Variants in ELFN1 observed in about 807,000 individuals in gnomAD.
The protein encoded by ELFN1 is extracellular leucine rich repeat and fibronectin type III domain containing 1.
Under a neutral mutation model 7.6 loss-of-function variants are expected in ELFN1, and 6 were observed. That is an observed-to-expected ratio of 0.79 (90% CI 0.43 to 1.56). ELFN1 has a LOEUF of 1.56. Ranked by LOEUF, ELFN1 falls within the 40% of genes most tolerant of loss-of-function variation. The probability of loss-of-function intolerance (pLI) is 0.01; values close to 1 mark genes in which losing one functional copy is unlikely to be tolerated. For synonymous variants in ELFN1, 657 were observed against 588.1 expected, an observed-to-expected ratio of 1.12 and a Z score of -1.70; for missense variants, 1,169 against 1,232.2, an observed-to-expected ratio of 0.95 and a Z score of 0.77.
chr7:1,669,117 C>G (rs1381227059), upstream of ELFN1, among the ~76,000 whole-genome samples: 1 of 152,276 alleles, frequency 6.6e-6, no homozygotes, highest in Non-Finnish European at 1.5e-5. Context: ...CGTGTCAGGC[C>G]CTGCAGCCGG....
intron 2 of ELFN1, among the ~76,000 whole-genome samples, chr7:1,696,915 G>C (rs1285532199): frequency 6.6e-6 from 1 of 152,212 alleles, no homozygotes; most frequent in Non-Finnish European, 1.5e-5. Flanking sequence ...GAAGGCATTA[G>C]GAAAACAACG....
Position 1,744,565 on chromosome 7 carries a change from G to A in ELFN1, c.-32G>A. The A allele has an allele frequency of 6.8e-7, 1 of 1,462,552 alleles. No individual in the cohort carries two copies. The highest frequency in any genetic ancestry group is 9.0e-7 in the Non-Finnish European group (1 of 1,112,164). The allele number at this position is 1,462,552 out of a possible 1,614,324, so 90.6% of individuals were successfully genotyped here. On this transcript the variant is annotated 5_prime_UTR_variant, in exon 4 of 4. Transcript: ENST00000424383. The stretch of plus-strand genomic sequence containing the variant: ...CCCCCCACCTGGTCCCCCTGGGCAG[G>A]CTGAATTGGGGCTCCCTGCAGGGCG...
chr7:1,699,711 C>CT (rs1171036665), intron 2 of ELFN1, among the ~76,000 whole-genome samples: 2 of 151,372 alleles, frequency 1.3e-5, no homozygotes, highest in Non-Finnish European at 3.0e-5. Context: ...CATTCTCCTA[C>CT]TTTTTTTTTG....
In ELFN1 at chr7:1,716,341, G is replaced by A. The variant is rs534284556; in HGVS notation, c.-294+7089G>A. Among the ~76,000 whole-genome samples, 3 of 152,350 alleles carry A rather than the reference G, an allele frequency of 2.0e-5. No individual in the cohort carries two copies. The East Asian group carries it at 5.8e-4, about 29-fold the overall frequency. On this transcript the variant is annotated intron_variant, in intron 3 of 3. Transcript: ENST00000424383. The stretch of plus-strand genomic sequence containing the variant: ...CCCAGGGGCTCACACAGCATCTGGT[G>A]AGGTGACGGCCTGGGTAAATTCTGA...
At chr7:1,672,993 G>T (rs1778796438) in intron 1 of ELFN1, among the ~76,000 whole-genome samples, 1 of 152,148 alleles carries the variant, frequency 6.6e-6, no homozygotes, top group African/African-American at 2.4e-5. Context: ...GATCTCCAGG[G>T]CTGGGTGATG....
chr7:1,741,738 G>A (rs1280994588), intron 3 of ELFN1, among the ~76,000 whole-genome samples: 5 of 152,084 alleles, frequency 3.3e-5, no homozygotes, highest in East Asian at 1.9e-4. Context: ...ACAGACCCCC[G>A]TGCATGTGTG....
In ELFN1 at chr7:1,705,228, C is replaced by T. The variant is rs769838014; in HGVS notation, c.-455-3863C>T. Reference sequence around the variant, plus strand: ...CCCTGGGCGGGGCGGCACAGCTGTGCGGGAGGCTGGGCTGCTGGCATCAGC... The same window carrying T: ...CCCTGGGCGGGGCGGCACAGCTGTGTGGGAGGCTGGGCTGCTGGCATCAGC... On this transcript the variant is annotated intron_variant, in intron 2 of 3. Coordinates refer to ENST00000424383, the MANE Select transcript of ELFN1 (RefSeq NM_001128636.4). The surrounding 1 kb of genome is among the most constrained non-coding windows in gnomAD (Gnocchi z 4.3). 6.6e-6 allele frequency among the ~76,000 whole-genome samples: 1 copy of T among 152,142 alleles called. No homozygotes were observed. The highest frequency in any genetic ancestry group is 1.5e-5 in the Non-Finnish European group (1 of 67,996).
intron 3 of ELFN1, among the ~76,000 whole-genome samples, chr7:1,718,022 A>G (rs377255894): frequency 8.5e-5 from 13 of 152,162 alleles, no homozygotes; most frequent in African/African-American, 3.1e-4. Context: ...AAACAGCCAG[A>G]AGTCAGTGGC....
At chr7:1,696,205 T>TGA (rs1171640250) in intron 2 of ELFN1, among the ~76,000 whole-genome samples, 1 of 149,144 alleles carries the variant, frequency 6.7e-6, no homozygotes. Flanking sequence ...CGTGTGTATG[T>TGA]GAGAGAGAGA....
At chr7:1,678,435 G>A (rs987373040) in intron 1 of ELFN1, among the ~76,000 whole-genome samples, 1 of 152,210 alleles carries the variant, frequency 6.6e-6, no homozygotes. Context: ...CACACAGCCC[G>A]GAGGGAGGTG....
intron 1 of ELFN1, among the ~76,000 whole-genome samples, chr7:1,680,732 T>G (rs1041290414): frequency 6.6e-6 from 1 of 151,582 alleles, no homozygotes; most frequent in African/African-American, 2.4e-5. Context: ...CTCTGTGGAT[T>G]TACAATTTTT....
chr7:1,682,477 G>C (rs1439638055), intron 1 of ELFN1, among the ~76,000 whole-genome samples: 2 of 151,902 alleles, frequency 1.3e-5, no homozygotes, highest in Non-Finnish European at 2.9e-5. Context: ...GTCTTACTCT[G>C]TTTCCCAGGC....
intron 3 of ELFN1, among the ~76,000 whole-genome samples, chr7:1,719,283 C>T (rs866059370): frequency 2.7e-3 from 360 of 133,742 alleles, no homozygotes; most frequent in Middle Eastern, 7.3e-3. Flanking sequence ...CAACAGGGCC[C>T]CGCCCACCAA....
At chr7:1,717,017 T>G (rs939140834) in intron 3 of ELFN1, among the ~76,000 whole-genome samples, 4 of 152,172 alleles carry the variant, frequency 2.6e-5, no homozygotes, top group Non-Finnish European at 4.4e-5. Flanking sequence ...CTCAAGGAGC[T>G]GCTTCTCTGC....
At chr7:1,697,780 T>C (rs1468310837) in intron 2 of ELFN1, among the ~76,000 whole-genome samples, 1 of 152,108 alleles carries the variant, frequency 6.6e-6, no homozygotes. Flanking sequence ...TTTTTAAAAA[T>C]TGTTTAATCG....
chr7:1,717,995 G>C (rs1221245399), intron 3 of ELFN1, among the ~76,000 whole-genome samples: 1 of 152,210 alleles, frequency 6.6e-6, no homozygotes, highest in Non-Finnish European at 1.5e-5. Context: ...TAAGATAGAA[G>C]TTTATTTCTC....
chr7:1,712,175 T>C (rs1215562254), intron 3 of ELFN1, among the ~76,000 whole-genome samples: 3 of 149,874 alleles, frequency 2.0e-5, no homozygotes, highest in Non-Finnish European at 3.0e-5. Context: ...AGTTTGTCTG[T>C]TTCTTTTCTT....
intron 2 of ELFN1, chr7:1,694,063 G>A (rs946209223): frequency 1.2e-4 from 36 of 310,794 alleles, no homozygotes; most frequent in African/African-American, 7.8e-4. Flanking sequence ...GGAGCGCCCA[G>A]TCTGTGGTCC....
Position 1,740,900 on chromosome 7 carries a change from C to T in ELFN1, c.-293-3404C>T, listed in dbSNP as rs934571345. Among the ~76,000 whole-genome samples, 26 of 152,302 alleles carry T rather than the reference C, an allele frequency of 1.7e-4. No homozygotes were observed. Among genetic ancestry groups the T allele is most frequent in the African/African-American group, 6.0e-4 (25 of 41,576 alleles). ...ATCCCAGCACTTTGGGAGGCCAAGG[C>T]AGGTGGATCACCTGAGGTCAGGAGT... is the stretch of plus-strand genomic sequence containing the variant. On this transcript the variant is annotated intron_variant, in intron 3 of 3. Coordinates refer to ENST00000424383, the MANE Select transcript of ELFN1 (RefSeq NM_001128636.4). This position sits in a 1 kb window ranked among gnomAD's most constrained non-coding sequence, Gnocchi z 5.0.
Sources: allele counts gnomAD v4.1 joint callset (sites outside exome capture counted in the v4.1 genomes callset), GRCh38; gene constraint gnomAD v4.1.1; non-coding constraint Gnocchi (gnomAD v3.1); transcripts MANE v1.5; gene names NCBI Gene and HGNC (gene_info 2026-07-23, HGNC 2026-07-21).